TMEM45A: variants seen among roughly 807,000 people sequenced by gnomAD.
The protein encoded by TMEM45A is transmembrane protein 45A.
TMEM45A carries 25 observed loss-of-function variants against 32.0 expected under a neutral mutation model. The ratio of observed to expected loss-of-function variants is 0.78; its 90% CI spans 0.57 to 1.09. The LOEUF is 1.09. Ranked by LOEUF, TMEM45A falls within the 50% of genes least tolerant of loss-of-function variation. The pLI is 0.00. For synonymous variants in TMEM45A, 122 were observed against 114.8 expected, an observed-to-expected ratio of 1.06 and a Z score of -0.40; for missense variants, 302 against 325.0, an observed-to-expected ratio of 0.93 and a Z score of 0.54.
intron 1 of TMEM45A, among the ~76,000 whole-genome samples, chr3:100,537,855 A>T (rs1705773980): frequency 6.6e-6 from 1 of 152,030 alleles, no homozygotes; most frequent in East Asian, 1.9e-4. Flanking sequence ...TTGACTGTAC[A>T]TTGTTTTGTA....
At chr3:100,516,561 AC>A (rs1249141284) in intron 1 of TMEM45A, among the ~76,000 whole-genome samples, 3 of 152,092 alleles carry the variant, frequency 2.0e-5, no homozygotes, top group African/African-American at 7.2e-5. Flanking sequence ...CCACGTCCTC[AC>A]TTTTTTCTCT....
rs374079185 is a variant in TMEM45A at position 100,547,464 on chromosome 3, T to A, written c.-3-7745T>A. Among the ~76,000 whole-genome samples the A allele has an allele frequency of 2.6e-5, 4 of 152,120 alleles. No individual in the cohort carries two copies. In the East Asian group the frequency reaches 5.8e-4, roughly 22 times the overall value. On this transcript the variant is annotated intron_variant, in intron 1 of 5. Transcript: ENST00000323523. ...ATAAAGTAAGCTAGAGAAAAGAAAA[T>A]GTTATGAAGAAAATCATAAGGAAGA... is the stretch of plus-strand genomic sequence containing the variant.
At chr3:100,494,521 C>T (rs1707894567) in intron 1 of TMEM45A, among the ~76,000 whole-genome samples, 1 of 151,894 alleles carries the variant, frequency 6.6e-6, no homozygotes, top group African/African-American at 2.4e-5. Flanking sequence ...ACTTGGGAGG[C>T]TGAGGCAAGA....
chr3:100,518,069 C>T (rs1705336034), intron 1 of TMEM45A, among the ~76,000 whole-genome samples: 1 of 152,174 alleles, frequency 6.6e-6, no homozygotes, highest in Non-Finnish European at 1.5e-5. Context: ...GTTAGTTCCA[C>T]TGAGACCCTG....
chr3:100,572,319 G>C (rs967008961), intron 5 of TMEM45A: 12 of 151,974 alleles, frequency 7.9e-5, no homozygotes, highest in Non-Finnish European at 1.3e-4. Context: ...GTATCTCATT[G>C]TGGTTTTGAT....
intron 1 of TMEM45A, among the ~76,000 whole-genome samples, chr3:100,550,420 G>T (rs1183149002): frequency 2.0e-5 from 3 of 152,240 alleles, no homozygotes; most frequent in Admixed American, 2.0e-4. Flanking sequence ...AAGACAAACA[G>T]AGCAAAGCTG....
intron 1 of TMEM45A, among the ~76,000 whole-genome samples, chr3:100,533,432 C>G (rs1444556231): frequency 6.6e-6 from 1 of 152,126 alleles, no homozygotes. Context: ...GCATTCCTCA[C>G]GTCTGCACAG....
At position 100,577,214 on chromosome 3, in the gene TMEM45A, T is replaced by G. The variant is rs1576300506; in HGVS notation, c.*196T>G. On this transcript the variant is annotated 3_prime_UTR_variant, in exon 6 of 6. Coordinates refer to ENST00000323523, the MANE Select transcript of TMEM45A (RefSeq NM_018004.3). The stretch of plus-strand genomic sequence containing the variant: ...TTTGAAAATATTTTGGGTGATACTT[T>G]CATTTTGCACATCATGCACATCATG... 2 of 486,632 alleles carry G rather than the reference T, an allele frequency of 4.1e-6. No homozygotes were observed. The highest frequency in any genetic ancestry group is 7.7e-5 in the East Asian group (2 of 25,894). 30.1% of individuals were successfully genotyped at this position (486,632 alleles called of 1,614,324 possible).
chr3:100,572,600 T>C (rs1706589162), intron 5 of TMEM45A: 1 of 151,948 alleles, frequency 6.6e-6, no homozygotes, highest in Non-Finnish European at 1.5e-5. Flanking sequence ...AGCTCTTTAG[T>C]TTAATTAGAT....
chr3:100,575,925 A>C (rs1490922359), intron 5 of TMEM45A, among the ~76,000 whole-genome samples: 1 of 152,210 alleles, frequency 6.6e-6, no homozygotes, highest in Non-Finnish European at 1.5e-5. Flanking sequence ...TGTTTGCAAT[A>C]CACAGTTAGA....
intron 4 of TMEM45A, among the ~76,000 whole-genome samples, chr3:100,559,159 T>C (rs1324149707): frequency 6.6e-6 from 1 of 152,210 alleles, no homozygotes; most frequent in Non-Finnish European, 1.5e-5. Context: ...TGTTAACTCT[T>C]TAACCTTGAT....
Sources: gnomAD v4.1 joint callset for allele counts (sites outside exome capture counted in the v4.1 genomes callset) on GRCh38, gnomAD v4.1.1 for gene constraint, MANE v1.5 for transcripts, NCBI Gene and HGNC (gene_info 2026-07-23, HGNC 2026-07-21) for gene names.